USP46: variants seen among roughly 807,000 people sequenced by gnomAD.
USP46 encodes the protein ubiquitin carboxyl-terminal hydrolase 46.
A neutral mutation model predicts 44.4 loss-of-function variants in USP46; 12 were observed. That is an observed-to-expected ratio of 0.27 (90% CI 0.17 to 0.44). The LOEUF (loss-of-function observed/expected upper bound fraction) is 0.44, where lower values mean the gene tolerates loss of function less well. Among genes scored for constraint, USP46 ranks in the 20% least tolerant of loss-of-function variants. The pLI is 1.00. For missense variants in USP46, 248 were observed against 444.8 expected, an observed-to-expected ratio of 0.56 and a Z score of 3.98; for synonymous variants, 155 against 161.5, an observed-to-expected ratio of 0.96 and a Z score of 0.31.
At chr4:52,654,549 T>C (rs1390595387) in intron 1 of USP46, among the ~76,000 whole-genome samples, 4 of 152,200 alleles carry the variant, frequency 2.6e-5, no homozygotes, top group African/African-American at 4.8e-5. Flanking sequence ...TACATTTTTA[T>C]TTACATGATT....
chr4:52,650,237 G>A (rs1718704332), intron 1 of USP46, among the ~76,000 whole-genome samples: 1 of 152,166 alleles, frequency 6.6e-6, no homozygotes, highest in South Asian at 2.1e-4. Context: ...AGTAAACCAT[G>A]GTTAAGTCAA....
intron 5 of USP46, among the ~76,000 whole-genome samples, chr4:52,609,897 TC>T (rs1560394506): frequency 1.8e-4 from 18 of 102,062 alleles, no homozygotes; most frequent in Admixed American, 7.3e-4. Flanking sequence ...CAATTCTATT[TC>T]TTTTTTTTTT....
intron 4 of USP46, among the ~76,000 whole-genome samples, chr4:52,616,068 T>G (rs1385766906): frequency 6.6e-6 from 1 of 152,166 alleles, no homozygotes. Context: ...TAACTAACAA[T>G]TATAGAATGC....
chr4:52,652,742 A>C (rs1031563189), intron 1 of USP46, among the ~76,000 whole-genome samples: 1 of 152,306 alleles, frequency 6.6e-6, no homozygotes, highest in Non-Finnish European at 1.5e-5. Context: ...AATAAACACT[A>C]AATGCAGAAT....
Position 52,628,137 on chromosome 4 carries a change from G to A in USP46, c.144C>T (p.Ser48=), listed in dbSNP as rs1717665410. Residue 48 remains serine (S), a synonymous_variant, in exon 3 of 9, where the codon TCC becomes TCT. Coordinates refer to ENST00000441222, the MANE Select transcript of USP46 (RefSeq NM_022832.4). ...GGCAGAAGTACAATGCCTGAAGCAC[G>A]GAGTTACAGTAGCATGTGTTTCCAA... ...VNFGNTCYCN[S]VLQALYFCRP... is the part of the protein sequence containing the mutation. 1.2e-6 allele frequency: 2 copies of A among 1,613,878 alleles called. No individual in the cohort carries two copies. Among genetic ancestry groups the A allele is most frequent in the Non-Finnish European group, 1.7e-6 (2 of 1,179,844 alleles).
chr4:52,630,726 G>C (rs1470998291), intron 2 of USP46, among the ~76,000 whole-genome samples: 2 of 109,094 alleles, frequency 1.8e-5, no homozygotes, highest in African/African-American at 3.7e-5. Flanking sequence ...GACAGAGCAA[G>C]ACTCTGTCTC....
At chr4:52,631,181 A>G (rs1386078273) in intron 1 of USP46, 37 bp from the exon 2 acceptor site, 2 of 1,486,868 alleles carry the variant, frequency 1.3e-6, no homozygotes, top group East Asian at 2.5e-5. Flanking sequence ...TGTTGCATGT[A>G]AAATAGACAA....
At chr4:52,614,463 G>A (rs1193049445) in intron 4 of USP46, among the ~76,000 whole-genome samples, 1 of 152,172 alleles carries the variant, frequency 6.6e-6, no homozygotes, top group Non-Finnish European at 1.5e-5. Flanking sequence ...ATTGGCAGCT[G>A]ACCTCTCAGC....
At chr4:52,646,565 G>C (rs1048520518) in intron 1 of USP46, among the ~76,000 whole-genome samples, 1 of 152,062 alleles carries the variant, frequency 6.6e-6, no homozygotes, top group East Asian at 1.9e-4. Flanking sequence ...GTCAAGTTTA[G>C]TAACAAAAAA....
chr4:52,629,246 T>C (rs1473246993), intron 2 of USP46, among the ~76,000 whole-genome samples: 1 of 152,240 alleles, frequency 6.6e-6, no homozygotes, highest in Non-Finnish European at 1.5e-5. Context: ...CCTATTTTTA[T>C]ATTTTAATCT....
At chr4:52,646,482 C>T (rs1188074299) in intron 1 of USP46, among the ~76,000 whole-genome samples, 1 of 152,140 alleles carries the variant, frequency 6.6e-6, no homozygotes, top group Admixed American at 6.5e-5. Flanking sequence ...TTACTCAAAA[C>T]TCTCTGTGGT....
chr4:52,604,867 G>A (rs570516430), intron 5 of USP46, among the ~76,000 whole-genome samples: 30 of 152,146 alleles, frequency 2.0e-4, no homozygotes, highest in African/African-American at 6.3e-4. Context: ...TGGGACACAG[G>A]CAGATATAAA....
intron 5 of USP46, among the ~76,000 whole-genome samples, chr4:52,604,803 C>G (rs774827576): frequency 3.9e-5 from 6 of 152,066 alleles, no homozygotes; most frequent in Admixed American, 6.5e-5. Context: ...TAGACATGCT[C>G]TTTTCATCGA....
intron 1 of USP46, among the ~76,000 whole-genome samples, chr4:52,632,990 A>AAAGAAAAG: frequency 8.6e-4 from 57 of 66,338 alleles, no homozygotes; most frequent in Middle Eastern, 8.3e-3. Flanking sequence ...GAAAGAAAAG[A>AAAGAAAAG]AAAGAAAGAA....
intron 1 of USP46, among the ~76,000 whole-genome samples, chr4:52,639,456 C>A (rs1019010490): frequency 1.3e-5 from 2 of 152,020 alleles, no homozygotes; most frequent in East Asian, 1.9e-4. Flanking sequence ...TCTTTGGAAC[C>A]AATATGGCTA....
chr4:52,592,675 C>T lies in USP46; in HGVS notation c.*4965G>A, dbSNP rs1716066376. On this transcript the variant is annotated 3_prime_UTR_variant, in exon 9 of 9. Coordinates refer to ENST00000441222, the MANE Select transcript of USP46 (RefSeq NM_022832.4). ...CCAATATGAGAAAACTTTGTATCTA[C>T]TGAAAATACAAAAATTACCCGGGTA... 2.6e-6 allele frequency: 1 copy of T among 381,918 alleles called. No homozygotes were observed. The highest frequency in any genetic ancestry group is 1.5e-4 in the South Asian group (1 of 6,864). The allele number at this position is 381,918 out of a possible 1,614,324, so 23.7% of individuals were successfully genotyped here.
chr4:52,591,830 T>C lies in USP46; in HGVS notation c.*5810A>G, dbSNP rs762786641. On this transcript the variant is annotated 3_prime_UTR_variant, in exon 9 of 9. Transcript: ENST00000441222. ...AGGCTCTAATTATTTGGTCATAATG[T>C]AAACAGATTGTTTAGAAATAACAGA... 6.6e-6 allele frequency: 1 copy of C among 152,244 alleles called. No individual in the cohort carries two copies. The highest frequency in any genetic ancestry group is 6.5e-5 in the Admixed American group (1 of 15,286). 9.4% of individuals were successfully genotyped at this position (152,244 alleles called of 1,614,324 possible).
chr4:52,634,307 G>C (rs1718025123), intron 1 of USP46, among the ~76,000 whole-genome samples: 1 of 150,724 alleles, frequency 6.6e-6, no homozygotes, highest in Admixed American at 6.6e-5. Context: ...TCAGGAGTTT[G>C]AGCCCAGCCT....
At position 52,659,173 on chromosome 4, in the gene USP46, C is replaced by A; in HGVS notation, c.-23G>T. 6.5e-7 allele frequency: 1 copy of A among 1,546,542 alleles called. No individual in the cohort carries two copies. Among genetic ancestry groups the A allele is most frequent in the South Asian group, 1.2e-5 (1 of 83,110 alleles). On this transcript the variant is annotated 5_prime_UTR_variant, in exon 1 of 9. Coordinates refer to ENST00000441222, the MANE Select transcript of USP46 (RefSeq NM_022832.4). The surrounding 1 kb of genome is among the most constrained non-coding windows in gnomAD (Gnocchi z 4.2). ...CATTAGTCTAAAGGTTGCAGCGATCCCTCACCGCCATCTTTACAAGGGGAA... is the reference window on the plus strand; with the variant it reads ...CATTAGTCTAAAGGTTGCAGCGATCACTCACCGCCATCTTTACAAGGGGAA...
Sources: allele counts gnomAD v4.1 joint callset (sites outside exome capture counted in the v4.1 genomes callset), GRCh38; gene constraint gnomAD v4.1.1; non-coding constraint Gnocchi (gnomAD v3.1); transcripts MANE v1.5; gene names NCBI Gene and HGNC (gene_info 2026-07-23, HGNC 2026-07-21).